RBM19: variants seen among roughly 807,000 people sequenced by gnomAD.
The protein encoded by RBM19 is RNA binding motif protein 19.
Under a neutral mutation model 116.8 loss-of-function variants are expected in RBM19, and 94 were observed. The observed-to-expected ratio is 0.80, with a 90% CI of 0.68 to 0.95. The LOEUF is 0.95. Among genes scored for constraint, RBM19 ranks in the 40% least tolerant of loss-of-function variants. The probability of loss-of-function intolerance (pLI) is 0.00; values close to 1 mark genes in which losing one functional copy is unlikely to be tolerated. For synonymous variants in RBM19, 475 were observed against 494.1 expected, an observed-to-expected ratio of 0.96 and a Z score of 0.51; for missense variants, 1,161 against 1,220.7, an observed-to-expected ratio of 0.95 and a Z score of 0.73.
At chr12:113,954,787 A>G (rs897086368) in intron 7 of RBM19, among the ~76,000 whole-genome samples, 2 of 152,178 alleles carry the variant, frequency 1.3e-5, no homozygotes, top group Non-Finnish European at 2.9e-5. Context: ...TCCTTGCTAT[A>G]AGAGCAGGGT....
intron 23 of RBM19, among the ~76,000 whole-genome samples, chr12:113,835,948 C>T (rs538349910): frequency 2.0e-5 from 3 of 152,338 alleles, no homozygotes; most frequent in African/African-American, 7.2e-5. Context: ...GTTCTGCGCA[C>T]GGATTTCTTC....
At position 113,823,250 on chromosome 12, in the gene RBM19, T is replaced by G. The variant is rs1308453363; in HGVS notation, c.2857A>C (p.Ser953Arg). The G allele has an allele frequency of 6.2e-7, 1 of 1,612,252 alleles. No individual in the cohort carries two copies. The highest frequency in any genetic ancestry group is 8.5e-7 in the Non-Finnish European group (1 of 1,179,976). ...LEQLEGSDSDSEEQTLQL is the reference protein window; with the variant it reads ...LEQLEGSDSDREEQTLQL ...CACAGCTGAAGGGTCTGCTCCTCGC[T>G]GTCGCTGTCACTGCCTTCCAGCTGC... is the stretch of plus-strand genomic sequence containing the variant. The change falls in exon 24 of 24, where the codon AGC (serine) becomes CGC (arginine). Residue 953 changes from serine to arginine, a missense_variant. By Grantham distance (110) the Ser-to-Arg change is moderately radical. Transcript: ENST00000261741.
At chr12:113,928,776 G>A (rs1358316245) in intron 16 of RBM19, among the ~76,000 whole-genome samples, 1 of 151,882 alleles carries the variant, frequency 6.6e-6, no homozygotes, top group Non-Finnish European at 1.5e-5. Context: ...GAAGAGGGCA[G>A]TGTCATGATC....
chr12:113,913,325 T>C (rs1413688477), intron 21 of RBM19, among the ~76,000 whole-genome samples: 1 of 152,110 alleles, frequency 6.6e-6, no homozygotes, highest in East Asian at 1.9e-4. Context: ...TAAGGATATG[T>C]ACCTTCCTGG....
chr12:113,964,647 T>C (rs1872728600), intron 1 of RBM19, among the ~76,000 whole-genome samples: 1 of 152,130 alleles, frequency 6.6e-6, no homozygotes, highest in African/African-American at 2.4e-5. Context: ...AAAACAAGAA[T>C]ATTACAGACA....
chr12:113,925,207 T>C (rs558175500), intron 17 of RBM19, among the ~76,000 whole-genome samples: 1 of 152,256 alleles, frequency 6.6e-6, no homozygotes, highest in South Asian at 2.1e-4. Context: ...CAGAGCAAAA[T>C]CCATGTTTAC....
At chr12:113,919,685 T>G (rs1174496698) in intron 19 of RBM19, among the ~76,000 whole-genome samples, 1 of 152,218 alleles carries the variant, frequency 6.6e-6, no homozygotes. Context: ...AGTATCAATC[T>G]GTCCTTGTAC....
At chr12:113,965,028 T>G (rs1294553235) in intron 1 of RBM19, among the ~76,000 whole-genome samples, 1 of 151,230 alleles carries the variant, frequency 6.6e-6, no homozygotes, top group Non-Finnish European at 1.5e-5. Flanking sequence ...TCCCAGCACT[T>G]TGGGAGGCCG....
chr12:113,846,233 C>T (rs1876959221), intron 22 of RBM19, among the ~76,000 whole-genome samples: 2 of 152,092 alleles, frequency 1.3e-5, no homozygotes, highest in Admixed American at 1.3e-4. Context: ...CCAGTGGGTA[C>T]AAGAAGAGGA....
intron 23 of RBM19, among the ~76,000 whole-genome samples, chr12:113,838,544 G>A (rs1371871052): frequency 6.6e-6 from 1 of 152,188 alleles, no homozygotes; most frequent in Non-Finnish European, 1.5e-5. Flanking sequence ...CAGTGGCCCT[G>A]GATGGGAAGC....
rs1185851761 is a variant in RBM19, at chr12:113,927,150, C to T, written c.2148G>A (p.Glu716=). The T allele has an allele frequency of 2.5e-6, 4 of 1,609,188 alleles. No individual in the cohort carries two copies. The highest frequency in any genetic ancestry group is 2.5e-6 in the Non-Finnish European group (3 of 1,177,696). The change falls in exon 17 of 24, where the codon GAG becomes GAA. Residue 716 remains glutamate (E), a synonymous_variant. Coordinates refer to ENST00000261741, the MANE Select transcript of RBM19 (RefSeq NM_016196.4). ...CTTCTTCTTCTTCCTCTTCCTCCTCCTCCTCTTCCATCTTTGCTGAAGAGT... is the reference window on the plus strand; with the variant it reads ...CTTCTTCTTCTTCCTCTTCCTCCTCTTCCTCTTCCATCTTTGCTGAAGAGT... The part of the protein sequence containing the change: ...ADNSSAKMEE[E]EEEEEEEEES...
downstream of RBM19, among the ~76,000 whole-genome samples, chr12:113,818,358 G>A (rs1178753948): frequency 6.6e-6 from 1 of 152,200 alleles, no homozygotes; most frequent in Non-Finnish European, 1.5e-5. Flanking sequence ...TTCTGTGCAG[G>A]AAGAGCCAGG....
chr12:113,951,910 G>T (rs946424788), intron 8 of RBM19, among the ~76,000 whole-genome samples: 1 of 152,224 alleles, frequency 6.6e-6, no homozygotes. Context: ...CAGCTACAGG[G>T]CCTCAGTGTG....
chr12:113,911,135 C>T (rs536607162), intron 21 of RBM19, among the ~76,000 whole-genome samples: 3 of 152,292 alleles, frequency 2.0e-5, no homozygotes, highest in East Asian at 1.9e-4. Context: ...GGGCACCTGC[C>T]GGGTGAGCTG....
intron 23 of RBM19, among the ~76,000 whole-genome samples, chr12:113,834,489 G>A (rs111355332): frequency 2.0e-5 from 3 of 152,330 alleles, no homozygotes; most frequent in African/African-American, 7.2e-5. Flanking sequence ...TCTTTGAAGA[G>A]CCAGAAAGTA....
At chr12:113,939,630 G>C (rs1301898706) in intron 15 of RBM19, among the ~76,000 whole-genome samples, 2 of 151,962 alleles carry the variant, frequency 1.3e-5, no homozygotes, top group Non-Finnish European at 2.9e-5. Context: ...GGTGCCTGTA[G>C]TCCCAGCTAC....
chr12:113,936,895 GAACA>G, intron 16 of RBM19, 108 bp downstream of exon 16: 2 of 1,409,012 alleles, frequency 1.4e-6, no homozygotes, highest in South Asian at 2.8e-5. Context: ...TCTCTAGCAT[GAACA>G]AAGAGCTTTA....
At chr12:113,846,011 T>C (rs1257114925) in intron 22 of RBM19, among the ~76,000 whole-genome samples, 1 of 152,240 alleles carries the variant, frequency 6.6e-6, no homozygotes, top group Admixed American at 6.5e-5. Context: ...TAGAACAGTA[T>C]GGGCACACCA....
downstream of RBM19, among the ~76,000 whole-genome samples, chr12:113,819,141 G>C (rs1874256547): frequency 6.6e-6 from 1 of 152,166 alleles, no homozygotes; most frequent in African/African-American, 2.4e-5. Context: ...GGTGGGAGAC[G>C]GACGTGAGGA....
Sources: gnomAD v4.1 joint callset for allele counts (sites outside exome capture counted in the v4.1 genomes callset) on GRCh38, gnomAD v4.1.1 for gene constraint, MANE v1.5 for transcripts, NCBI Gene and HGNC (gene_info 2026-07-23, HGNC 2026-07-21) for gene names.